AGBL4: variants seen among roughly 807,000 people sequenced by gnomAD.
The protein encoded by AGBL4 is AGBL carboxypeptidase 4, also known as cytosolic carboxypeptidase 6.
In AGBL4, 58 loss-of-function variants were observed where a neutral mutation model predicts 66.4. That is an observed-to-expected ratio of 0.87 (90% CI 0.71 to 1.09). The LOEUF (loss-of-function observed/expected upper bound fraction) is 1.09, where lower values mean the gene tolerates loss of function less well. AGBL4 is among the 50% of genes least tolerant of loss of function. AGBL4 has a pLI of 0.00. For missense variants in AGBL4, 579 were observed against 631.0 expected, an observed-to-expected ratio of 0.92 and a Z score of 0.88; for synonymous variants, 234 against 222.9, an observed-to-expected ratio of 1.05 and a Z score of -0.44.
chr1:49,633,376 C>T (rs941314910), intron 3 of AGBL4, among the ~76,000 whole-genome samples: 4 of 152,084 alleles, frequency 2.6e-5, no homozygotes, highest in African/African-American at 9.7e-5. Flanking sequence ...ATTGGAGGGG[C>T]TCAAGGAAGA....
At chr1:49,468,729 T>C (rs1289862227) in intron 3 of AGBL4, among the ~76,000 whole-genome samples, 2 of 151,868 alleles carry the variant, frequency 1.3e-5, no homozygotes, top group Non-Finnish European at 2.9e-5. Context: ...ATAAATTGTG[T>C]GGAGACCTTT....
chr1:48,543,222 G>C (rs1427995090), intron 11 of AGBL4, among the ~76,000 whole-genome samples: 1 of 152,180 alleles, frequency 6.6e-6, no homozygotes, highest in East Asian at 1.9e-4. Context: ...GAGTAGGTGA[G>C]GGGGGCATGC....
chr1:49,273,572 A>G (rs1252948769), intron 3 of AGBL4, among the ~76,000 whole-genome samples: 1 of 150,722 alleles, frequency 6.6e-6, no homozygotes, highest in Non-Finnish European at 1.5e-5. Flanking sequence ...TTTTATTAAA[A>G]TTAAATTTAA....
chr1:49,247,616 C>T (rs567348467), intron 3 of AGBL4, among the ~76,000 whole-genome samples: 5 of 152,152 alleles, frequency 3.3e-5, no homozygotes, highest in Non-Finnish European at 7.4e-5. Context: ...TTGTCAGATC[C>T]ATTTCCAGTG....
chr1:49,196,191 G>A (rs1647247130), intron 4 of AGBL4, among the ~76,000 whole-genome samples: 1 of 152,096 alleles, frequency 6.6e-6, no homozygotes, highest in Admixed American at 6.5e-5. Flanking sequence ...ACTTTATATA[G>A]TTGCATACTT....
At position 48,758,800 on chromosome 1, in the gene AGBL4, A is replaced by G. The variant is rs1395667390; in HGVS notation, c.635-95559T>C. On this transcript the variant is annotated intron_variant, in intron 6 of 13. Transcript: ENST00000371839. Reference sequence around the variant, plus strand: ...CAAGAGTCTGTCCTTCCCTAGCCTCAGGGCACTTGGTCTCCCTCTCCCCTT... The same window carrying G: ...CAAGAGTCTGTCCTTCCCTAGCCTCGGGGCACTTGGTCTCCCTCTCCCCTT... 3.6e-5 allele frequency: 39 copies of G among 1,092,130 alleles called. No homozygotes were observed. In the East Asian group the frequency reaches 9.7e-4, roughly 27 times the overall value. The allele number at this position is 1,092,130 out of a possible 1,614,324, so 67.7% of individuals were successfully genotyped here.
intron 4 of AGBL4, among the ~76,000 whole-genome samples, chr1:49,219,706 A>C (rs1649350798): frequency 6.6e-6 from 1 of 152,166 alleles, no homozygotes; most frequent in South Asian, 2.1e-4. Context: ...AAGAGCAGTT[A>C]ATTTCTAAGC....
At chr1:48,591,984 T>C (rs536180386) in intron 9 of AGBL4, among the ~76,000 whole-genome samples, 1 of 152,222 alleles carries the variant, frequency 6.6e-6, no homozygotes, top group African/African-American at 2.4e-5. Context: ...CATACTGTAA[T>C]GGACTGACTG....
chr1:49,950,260 A>G (rs1394924975), intron 1 of AGBL4, among the ~76,000 whole-genome samples: 1 of 150,894 alleles, frequency 6.6e-6, no homozygotes, highest in Non-Finnish European at 1.5e-5. Context: ...GGCAACGTGG[A>G]TAAGATTGGA....
intron 11 of AGBL4, among the ~76,000 whole-genome samples, chr1:48,567,223 A>G (rs1479990035): frequency 1.3e-5 from 2 of 152,188 alleles, no homozygotes; most frequent in Non-Finnish European, 2.9e-5. Flanking sequence ...GAGCACCTGT[A>G]ATTTGTGAGC....
chr1:48,873,260 A>G (rs988048481), intron 5 of AGBL4, among the ~76,000 whole-genome samples: 2 of 152,096 alleles, frequency 1.3e-5, no homozygotes, highest in Admixed American at 6.5e-5. Flanking sequence ...TGGTTGCCAA[A>G]TTTGCCGTGC....
At chr1:50,017,087 T>C (rs564591186) in intron 1 of AGBL4, 72 of 152,040 alleles carry the variant, frequency 4.7e-4, no homozygotes, top group African/African-American at 1.5e-3. Context: ...TATATATATA[T>C]ACATAAAATA....
chr1:49,389,720 T>C (rs564100378), intron 3 of AGBL4, among the ~76,000 whole-genome samples: 3 of 152,170 alleles, frequency 2.0e-5, no homozygotes, highest in African/African-American at 7.2e-5. Flanking sequence ...GAGCTGACAG[T>C]GAGGAAGAAG....
intron 1 of AGBL4, among the ~76,000 whole-genome samples, chr1:49,913,217 C>T (rs1017914494): frequency 6.6e-5 from 10 of 152,164 alleles, no homozygotes; most frequent in Admixed American, 5.2e-4. Context: ...GAGGCAAATT[C>T]CCTCTAACTG....
chr1:48,643,344 C>T (rs1232611679), intron 8 of AGBL4, among the ~76,000 whole-genome samples: 1 of 152,204 alleles, frequency 6.6e-6, no homozygotes. Flanking sequence ...CACCTACCCA[C>T]TTAGCTGGCA....
chr1:49,404,230 T>C (rs1645147727), intron 3 of AGBL4, among the ~76,000 whole-genome samples: 1 of 152,178 alleles, frequency 6.6e-6, no homozygotes. Context: ...AGTGGGCTCC[T>C]GATCTAAAAA....
chr1:48,751,109 A>T (rs1268972794), intron 6 of AGBL4, among the ~76,000 whole-genome samples: 1 of 152,222 alleles, frequency 6.6e-6, no homozygotes, highest in Non-Finnish European at 1.5e-5. Context: ...TCAGTTGTCC[A>T]TCTATAAGAT....
chr1:48,877,262 G>A (rs1361768703), intron 5 of AGBL4, among the ~76,000 whole-genome samples: 5 of 152,112 alleles, frequency 3.3e-5, no homozygotes, highest in Non-Finnish European at 5.9e-5. Flanking sequence ...TATTTAGTTC[G>A]TAATTAGTTC....
intron 2 of AGBL4, among the ~76,000 whole-genome samples, chr1:49,731,645 G>A (rs550727391): frequency 6.6e-6 from 1 of 151,870 alleles, no homozygotes; most frequent in South Asian, 2.1e-4. Context: ...GAAACTCTTT[G>A]GTAATTATTT....
Sources: gnomAD v4.1 joint callset for allele counts (sites outside exome capture counted in the v4.1 genomes callset) on GRCh38, gnomAD v4.1.1 for gene constraint, MANE v1.5 for transcripts, NCBI Gene and HGNC (gene_info 2026-07-23, HGNC 2026-07-21) for gene names.